NPAS3: variants seen among roughly 807,000 people sequenced by gnomAD.
NPAS3 encodes neuronal PAS domain protein 3, also known as neuronal PAS domain-containing protein 3.
In NPAS3, 14 loss-of-function variants were observed where a neutral mutation model predicts 73.1. The ratio of observed to expected loss-of-function variants is 0.19; its 90% confidence interval spans 0.13 to 0.30. NPAS3 has a LOEUF of 0.30. Ranked by LOEUF, NPAS3 falls within the 10% of genes least tolerant of loss-of-function variation. The probability of loss-of-function intolerance (pLI) is 1.00; values close to 1 mark genes in which losing one functional copy is unlikely to be tolerated. For missense variants in NPAS3, 1,096 were observed against 1,250.0 expected (o/e 0.88, Z 1.86); for synonymous variants, 620 against 541.5 (o/e 1.14, Z -2.01).
chr14:33,394,842 T>TA (rs1335860643), intron 4 of NPAS3, among the ~76,000 whole-genome samples: 1 of 152,198 alleles, frequency 6.6e-6, no homozygotes, highest in Non-Finnish European at 1.5e-5. Context: ...TATTGTTTTT[T>TA]ATCTTTACCC....
At chr14:33,092,019 G>C (rs187417583) in intron 2 of NPAS3, among the ~76,000 whole-genome samples, 2 of 152,286 alleles carry the variant, frequency 1.3e-5, no homozygotes, top group East Asian at 3.9e-4. Context: ...ATATCATACT[G>C]AATGGGCAAC....
chr14:32,957,268 CAT>C (rs1277155790), intron 1 of NPAS3, among the ~76,000 whole-genome samples: 22 of 151,946 alleles, frequency 1.4e-4, no homozygotes, highest in African/African-American at 5.3e-4. Flanking sequence ...ATATATTAAA[CAT>C]AGTGATAAGC....
At chr14:33,492,252 AT>A (rs2051936877) in intron 4 of NPAS3, among the ~76,000 whole-genome samples, 1 of 152,146 alleles carries the variant, frequency 6.6e-6, no homozygotes, top group Non-Finnish European at 1.5e-5. Flanking sequence ...CACTGTGGTA[AT>A]ACCTCTGAAA....
chr14:33,555,293 A>AG (rs2055303318), intron 4 of NPAS3, among the ~76,000 whole-genome samples: 1 of 152,204 alleles, frequency 6.6e-6, no homozygotes, highest in Non-Finnish European at 1.5e-5. Flanking sequence ...AATCTTCTTG[A>AG]GGAGGGACTA....
At chr14:33,499,789 C>T (rs913728046) in intron 4 of NPAS3, among the ~76,000 whole-genome samples, 1 of 151,954 alleles carries the variant, frequency 6.6e-6, no homozygotes, top group Non-Finnish European at 1.5e-5. Flanking sequence ...CCTGCTGATG[C>T]TCCTGTTGTA....
chr14:33,089,915 G>A (rs1342248021), intron 2 of NPAS3, among the ~76,000 whole-genome samples: 1 of 152,148 alleles, frequency 6.6e-6, no homozygotes, highest in Admixed American at 6.5e-5. Flanking sequence ...ATAAGTGAAG[G>A]AGAAATAAAA....
chr14:33,087,171 T>TA (rs199898428), intron 2 of NPAS3, among the ~76,000 whole-genome samples: 4,312 of 79,856 alleles, frequency 0.054, 194 homozygotes, highest in East Asian at 0.23. Context: ...TATTGTATAA[T>TA]ATATAGTATA....
intron 6 of NPAS3, among the ~76,000 whole-genome samples, chr14:33,695,362 A>C (rs1458137654): frequency 6.6e-6 from 1 of 152,174 alleles, no homozygotes; most frequent in Non-Finnish European, 1.5e-5. Context: ...TAGTTAGAAA[A>C]GTTTGTTTCC....
At chr14:33,633,769 C>T (rs908453180) in intron 5 of NPAS3, among the ~76,000 whole-genome samples, 9 of 152,166 alleles carry the variant, frequency 5.9e-5, no homozygotes, top group South Asian at 2.1e-4. Context: ...CACTTGAGCC[C>T]GGGAGAGTGA....
At chr14:33,324,124 G>A (rs1481112656) in intron 3 of NPAS3, among the ~76,000 whole-genome samples, 5 of 152,258 alleles carry the variant, frequency 3.3e-5, no homozygotes, top group East Asian at 1.9e-4. Flanking sequence ...TGATAAATTA[G>A]GAATGACAGT....
At chr14:33,084,582 A>C (rs1257588111) in intron 2 of NPAS3, among the ~76,000 whole-genome samples, 2 of 152,206 alleles carry the variant, frequency 1.3e-5, no homozygotes, top group Non-Finnish European at 2.9e-5. Flanking sequence ...CTATAAAAAT[A>C]ATGAAAATTT....
intron 2 of NPAS3, among the ~76,000 whole-genome samples, chr14:33,192,420 C>G (rs113630933): frequency 6.6e-6 from 1 of 152,024 alleles, no homozygotes; most frequent in Non-Finnish European, 1.5e-5. Context: ...AACCAGATAG[C>G]CTTGAGGTGT....
At chr14:33,223,204 C>CGGAAGCT (rs1181107940) in intron 3 of NPAS3, among the ~76,000 whole-genome samples, 1 of 151,866 alleles carries the variant, frequency 6.6e-6, no homozygotes, top group Non-Finnish European at 1.5e-5. Context: ...CCAGCTACTC[C>CGGAAGCT]GGAAGCTGAG....
intron 3 of NPAS3, among the ~76,000 whole-genome samples, chr14:33,234,094 A>T (rs192042394): frequency 2.2e-3 from 334 of 152,226 alleles, no homozygotes; most frequent in African/African-American, 7.4e-3. Flanking sequence ...GGGTCCTTGA[A>T]AGTTATAAAA....
intron 2 of NPAS3, among the ~76,000 whole-genome samples, chr14:33,101,726 C>T (rs147881030): frequency 2.6e-4 from 39 of 152,116 alleles, no homozygotes; most frequent in African/African-American, 9.2e-4. Flanking sequence ...GCTTAATATG[C>T]CCTAATTTAT....
intron 6 of NPAS3, among the ~76,000 whole-genome samples, chr14:33,681,298 G>A (rs2059930896): frequency 2.0e-5 from 3 of 152,116 alleles, no homozygotes; most frequent in Non-Finnish European, 4.4e-5. Flanking sequence ...GTTGTGAAGG[G>A]ATATTTTTTG....
At chr14:33,669,570 G>A (rs2059552837) in intron 5 of NPAS3, among the ~76,000 whole-genome samples, 1 of 152,136 alleles carries the variant, frequency 6.6e-6, no homozygotes, top group Non-Finnish European at 1.5e-5. Flanking sequence ...AAGATTACAA[G>A]AAAAAATGAA....
At chr14:33,443,680 A>G (rs1355376158) in intron 4 of NPAS3, among the ~76,000 whole-genome samples, 1 of 152,210 alleles carries the variant, frequency 6.6e-6, no homozygotes, top group African/African-American at 2.4e-5. Flanking sequence ...AGCAGCAGCC[A>G]CTAGTTCCAG....
rs953449323 is a variant in NPAS3, at chr14:33,337,400, A to T, written c.386-29786A>T. On this transcript the variant is annotated intron_variant, in intron 3 of 11. Coordinates refer to ENST00000356141, the Ensembl canonical transcript of NPAS3. ...CACCTCTGTTGCATATCAATTGACT[A>T]TACACATGAGGTTTTGTTTCTGAAC... Among the ~76,000 whole-genome samples the T allele has an allele frequency of 2.0e-5, 3 of 152,210 alleles. No individual in the cohort carries two copies. The East Asian group carries it at 5.8e-4, about 29-fold the overall frequency.
Sources: allele counts gnomAD v4.1 joint callset (sites outside exome capture counted in the v4.1 genomes callset), GRCh38; gene constraint gnomAD v4.1.1; transcripts MANE v1.5; gene names NCBI Gene and HGNC (gene_info 2026-07-23, HGNC 2026-07-21).